The following ADCY10 variants were observed in gnomAD, a reference collection of about 807,000 sequenced individuals.
The protein encoded by ADCY10 is adenylate cyclase type 10.
ADCY10 carries 156 observed loss-of-function variants against 183.3 expected under a neutral mutation model. The ratio of observed to expected loss-of-function variants is 0.85; its 90% confidence interval spans 0.75 to 0.97. The LOEUF is 0.97. ADCY10 is among the 50% of genes least tolerant of loss of function. The pLI is 0.00. For missense variants in ADCY10, 1,745 were observed against 1,934.3 expected, an observed-to-expected ratio of 0.90 and a Z score of 1.84; for synonymous variants, 645 against 670.0, an observed-to-expected ratio of 0.96 and a Z score of 0.58.
chr1:167,856,684 A>T (rs1665930417), intron 16 of ADCY10, among the ~76,000 whole-genome samples: 1 of 152,230 alleles, frequency 6.6e-6, no homozygotes, highest in Non-Finnish European at 1.5e-5. Context: ...TTGTGTAAAG[A>T]TAGTGCAAAT....
intron 18 of ADCY10, 88 bp from the exon 19 acceptor site, chr1:167,848,577 T>C: frequency 7.1e-7 from 1 of 1,418,358 alleles, no homozygotes; most frequent in Non-Finnish European, 9.9e-7. Flanking sequence ...ATGGATCTCA[T>C]ATGAGGAAGA....
chr1:167,849,441 T>C (rs1665308380), intron 18 of ADCY10, among the ~76,000 whole-genome samples: 1 of 152,182 alleles, frequency 6.6e-6, no homozygotes, highest in Admixed American at 6.5e-5. Context: ...CCAAGTTCCT[T>C]ATTTCCTGGA....
At chr1:167,857,911 A>G (rs1357177721) in intron 16 of ADCY10, among the ~76,000 whole-genome samples, 2 of 152,200 alleles carry the variant, frequency 1.3e-5, no homozygotes, top group East Asian at 1.9e-4. Flanking sequence ...GCAAACAACT[A>G]AACAGGTTCC....
Position 167,856,399 on chromosome 1 carries a change from G to A in ADCY10, c.1937C>T (p.Ala646Val), listed in dbSNP as rs775601571. 7 of 1,614,130 alleles carry A rather than the reference G, an allele frequency of 4.3e-6. No individual in the cohort carries two copies. In the South Asian group the frequency reaches 7.7e-5, roughly 18 times the overall value. The change falls in exon 17 of 33, where the codon GCC (alanine) becomes GTC (valine). Residue 646 changes from alanine (A) to valine (V), a missense_variant. Coordinates refer to ENST00000367851, the MANE Select transcript of ADCY10 (RefSeq NM_018417.6). ...EERIIFIIDE[A>V]QFVDSTSWRF... Reference sequence around the variant, plus strand: ...CCAGGAGGTCGAATCCACAAACTGGGCCTCATCAATGATAAAAATAATCCT... The same window carrying A: ...CCAGGAGGTCGAATCCACAAACTGGACCTCATCAATGATAAAAATAATCCT...
chr1:167,859,101 G>C (rs927746878), intron 16 of ADCY10, among the ~76,000 whole-genome samples: 8 of 152,136 alleles, frequency 5.3e-5, no homozygotes, highest in African/African-American at 1.9e-4. Context: ...GAGGAAGAAA[G>C]GGCACTATAG....
chr1:167,894,059 T>C, intron 7 of ADCY10, 118 bp from the exon 8 acceptor site: 1 of 731,010 alleles, frequency 1.4e-6, no homozygotes, highest in East Asian at 2.8e-5. Context: ...TCCTTACAGT[T>C]GTCAGGAGAC....
intron 21 of ADCY10, among the ~76,000 whole-genome samples, chr1:167,841,264 T>C (rs1664616497): frequency 6.6e-6 from 1 of 152,060 alleles, no homozygotes; most frequent in Non-Finnish European, 1.5e-5. Context: ...TCTAAAAGTA[T>C]AAATTCAACA....
chr1:167,906,687 G>A (rs1267760534), intron 1 of ADCY10, among the ~76,000 whole-genome samples: 1 of 151,960 alleles, frequency 6.6e-6, no homozygotes, highest in Non-Finnish European at 1.5e-5. Flanking sequence ...TATTCAGGAG[G>A]CTGAGGTGGG....
Position 167,854,373 on chromosome 1 carries a change from C to T in ADCY10, c.2288G>A (p.Arg763Lys), listed in dbSNP as rs148691369. ...QQTESEEKTN[R>K]TWNNLFKYSI... ...CTTACTGAACAGGTTATTCCAGGTC[C>T]TATTTGTCTTTTCCTCAGACTCCGT... Residue 763 changes from arginine to lysine, a missense_variant, in exon 18 of 33, where the codon AGG becomes AAG. Coordinates refer to ENST00000367851, the MANE Select transcript of ADCY10 (RefSeq NM_018417.6). 1.2e-6 allele frequency: 2 copies of T among 1,614,132 alleles called. No individual in the cohort carries two copies. Among genetic ancestry groups the T allele is most frequent in the East Asian group, 2.2e-5 (1 of 44,882 alleles).
chr1:167,861,149 TCTC>T (rs1251184741), intron 14 of ADCY10, 86 bp from the exon 15 acceptor site: 1 of 1,152,080 alleles, frequency 8.7e-7, no homozygotes, highest in Non-Finnish European at 1.3e-6. Context: ...AGCTCTGTCT[TCTC>T]ATATTCAGCT....
intron 26 of ADCY10, among the ~76,000 whole-genome samples, chr1:167,826,899 G>A (rs1335527532): frequency 6.6e-6 from 1 of 152,176 alleles, no homozygotes; most frequent in South Asian, 2.1e-4. Flanking sequence ...ACCAAAAGAG[G>A]ACCAATATGG....
rs373881391 is a variant in ADCY10, at chr1:167,818,277, C to A, written c.4287-10G>T. The A allele has an allele frequency of 1.2e-6, 2 of 1,612,150 alleles. No individual in the cohort carries two copies. The highest frequency in any genetic ancestry group is 2.7e-5 in the African/African-American group (2 of 74,868). ...CTGAAGTCTGGCATACCTGCATTAC[C>A]ACAAGAGAATAAGAAAAATCAGTAT... On this transcript the variant is annotated splice_polypyrimidine_tract_variant and intron_variant, in intron 30 of 32. Transcript: ENST00000367851.
At position 167,809,593 on chromosome 1, in the gene ADCY10, C is replaced by G. The variant is rs1662071015; in HGVS notation, c.*85G>C. ...GGAACAGAAGAGATTATGTAGGAAC[C>G]TGGAGTGGGCCAGCCACGGAGAAAG... On this transcript the variant is annotated 3_prime_UTR_variant, in exon 33 of 33. Transcript: ENST00000367851. The G allele has an allele frequency of 3.5e-6, 5 of 1,429,636 alleles. No individual in the cohort carries two copies. The highest frequency in any genetic ancestry group is 3.9e-6 in the Non-Finnish European group (4 of 1,014,430). The allele number at this position is 1,429,636 out of a possible 1,614,324, so 88.6% of individuals were successfully genotyped here.
intron 14 of ADCY10, among the ~76,000 whole-genome samples, chr1:167,868,523 A>G (rs1483997915): frequency 1.3e-5 from 2 of 152,212 alleles, no homozygotes; most frequent in Non-Finnish European, 2.9e-5. Flanking sequence ...CCAAAGTTGC[A>G]GACCGTTTAA....
In ADCY10 at chr1:167,809,611, G is replaced by A. The variant is rs555993450; in HGVS notation, c.*67C>T. On this transcript the variant is annotated 3_prime_UTR_variant, in exon 33 of 33. Coordinates refer to ENST00000367851, the MANE Select transcript of ADCY10 (RefSeq NM_018417.6). The stretch of plus-strand genomic sequence containing the variant: ...TAGGAACCTGGAGTGGGCCAGCCAC[G>A]GAGAAAGGTCAATAATAGATAATCA... The A allele has an allele frequency of 3.8e-5, 59 of 1,566,502 alleles. No individual in the cohort carries two copies. The highest frequency in any genetic ancestry group is 2.5e-4 in the East Asian group (11 of 44,600).
chr1:167,852,833 T>C (rs1207469148), intron 18 of ADCY10, among the ~76,000 whole-genome samples: 1 of 151,918 alleles, frequency 6.6e-6, no homozygotes, highest in East Asian at 1.9e-4. Flanking sequence ...ATCTGTCTCA[T>C]TTCTCCTACA....
At chr1:167,912,855 C>T (rs1670239857) in intron 1 of ADCY10, among the ~76,000 whole-genome samples, 1 of 152,182 alleles carries the variant, frequency 6.6e-6, no homozygotes, top group Non-Finnish European at 1.5e-5. Context: ...ATGAAGTAGA[C>T]CTGATTTCTA....
At chr1:167,848,589 T>C (rs979599959) in intron 18 of ADCY10, 100 bp from the exon 19 acceptor site, 3 of 1,258,988 alleles carry the variant, frequency 2.4e-6, no homozygotes, top group African/African-American at 3.0e-5. Flanking sequence ...TGAGGAAGAC[T>C]GGGCAGAGAT....
Position 167,845,656 on chromosome 1 carries a change from A to C in ADCY10, c.2914T>G (p.Phe972Val). Residue 972 changes from phenylalanine to valine, a missense_variant, in exon 21 of 33, where the codon TTC (phenylalanine) becomes GTC (valine). Transcript: ENST00000367851. ...HRCDHCRGRD[F>V]IPYHHFTVNI... ...ACTGTGAAGTGATGATAGGGAATGA[A>C]GTCCCTGCCTCGGCAGTGGTCACAT... 1.2e-6 allele frequency: 2 copies of C among 1,614,266 alleles called. No homozygotes were observed. Among genetic ancestry groups the C allele is most frequent in the Non-Finnish European group, 1.7e-6 (2 of 1,180,040 alleles).
Sources: gnomAD v4.1 joint callset for allele counts (sites outside exome capture counted in the v4.1 genomes callset) on GRCh38, gnomAD v4.1.1 for gene constraint, MANE v1.5 for transcripts, NCBI Gene and HGNC (gene_info 2026-07-23, HGNC 2026-07-21) for gene names.